The following OPALIN variants were observed in gnomAD, a reference collection of about 807,000 sequenced individuals.
OPALIN encodes oligodendrocytic myelin paranodal and inner loop protein, also known as transmembrane protein 10.
OPALIN carries 15 observed loss-of-function variants against 17.8 expected under a neutral mutation model. The ratio of observed to expected loss-of-function variants is 0.84; its 90% CI spans 0.56 to 1.29. The LOEUF is 1.29. Ranked by LOEUF, OPALIN falls within the 50% of genes most tolerant of loss-of-function variation. The pLI, the probability that OPALIN is intolerant of heterozygous loss-of-function variation, is 0.00. For missense variants in OPALIN, 170 were observed against 176.0 expected (o/e 0.97, Z 0.19); for synonymous variants, 62 against 63.8 (o/e 0.97, Z 0.14).
chr10:96,349,936 G>A (rs555389765), intron 3 of OPALIN, 110 bp from the exon 4 acceptor site: 66 of 1,171,982 alleles, frequency 5.6e-5, no homozygotes, highest in Middle Eastern at 5.8e-4. Flanking sequence ...GATCATAAAC[G>A]TCATATACAA....
intron 2 of OPALIN, chr10:96,353,312 A>G: frequency 6.6e-7 from 1 of 1,506,152 alleles, no homozygotes; most frequent in Non-Finnish European, 9.1e-7. Flanking sequence ...CCCTGTTCCA[A>G]ACTTCCCGCA....
intron 1 of OPALIN, 100 bp downstream of exon 1, chr10:96,358,794 A>G: frequency 8.2e-7 from 1 of 1,225,468 alleles, no homozygotes; most frequent in Non-Finnish European, 1.2e-6. Flanking sequence ...ATAATTTAAA[A>G]TAAAGTCCCT....
At chr10:96,349,291 T>C (rs1845470257) in intron 4 of OPALIN, among the ~76,000 whole-genome samples, 1 of 152,194 alleles carries the variant, frequency 6.6e-6, no homozygotes, top group Non-Finnish European at 1.5e-5. Flanking sequence ...GATTCTATCA[T>C]GGTGTCTATC....
At chr10:96,347,414 G>C (rs930815113) in intron 5 of OPALIN, among the ~76,000 whole-genome samples, 2 of 151,164 alleles carry the variant, frequency 1.3e-5, no homozygotes, top group Non-Finnish European at 2.9e-5. Flanking sequence ...TTTCTATGTC[G>C]ACAATCATAC....
At chr10:96,351,451 T>A in intron 2 of OPALIN, 41 bp from the exon 3 acceptor site, 1 of 1,334,678 alleles carries the variant, frequency 7.5e-7, no homozygotes, top group Non-Finnish European at 1.0e-6. Context: ...GAACAAAAAG[T>A]CTATAGAATA....
chr10:96,343,963 C>CTA lies in OPALIN; in HGVS notation c.*1976_*1977dup. 6.6e-6 allele frequency: 1 copy of CTA among 152,264 alleles called. No homozygotes were observed. The highest frequency in any genetic ancestry group is 1.5e-5 in the Non-Finnish European group (1 of 68,094). 9.4% of individuals were successfully genotyped at this position (152,264 alleles called of 1,614,324 possible). A position where few individuals can be genotyped will look rare whatever the true frequency, so the allele number is the denominator to read the frequency against. ...GGCCTGGCCTGCTAGAGGGCAATGGCTATACATGGGGGAACCAGGCTGCCT... is the reference window on the plus strand; with the variant it reads ...GGCCTGGCCTGCTAGAGGGCAATGGCTATATACATGGGGGAACCAGGCTGCCT... On this transcript the variant is annotated 3_prime_UTR_variant, in exon 6 of 6. Transcript: ENST00000371172.
At chr10:96,351,788 T>C (rs1025872802) in intron 2 of OPALIN, among the ~76,000 whole-genome samples, 3 of 152,192 alleles carry the variant, frequency 2.0e-5, no homozygotes, top group Admixed American at 2.0e-4. Context: ...AGCAAGGCTC[T>C]TTAAGGAAGC....
intron 4 of OPALIN, 69 bp from the exon 5 acceptor site, chr10:96,348,414 G>A (rs746040803): frequency 4.9e-5 from 36 of 734,290 alleles, no homozygotes; most frequent in East Asian, 2.5e-4. Context: ...GCATTTGACC[G>A]TAACTATGAT....
chr10:96,345,902 G>T lies in OPALIN; in HGVS notation c.*39C>A. 6.2e-7 allele frequency: 1 copy of T among 1,600,984 alleles called. No individual in the cohort carries two copies. ...TACAAAACCCTGGGTTTTCAACCCT[G>T]TTCCAGTGCCAGGTCTGCTGCTCCT... On this transcript the variant is annotated 3_prime_UTR_variant, in exon 6 of 6. Coordinates refer to ENST00000371172, the MANE Select transcript of OPALIN (RefSeq NM_033207.5).
At chr10:96,351,828 A>C (rs1346647850) in intron 2 of OPALIN, among the ~76,000 whole-genome samples, 1 of 152,196 alleles carries the variant, frequency 6.6e-6, no homozygotes, top group African/African-American at 2.4e-5. Flanking sequence ...GTGATGAAAC[A>C]AATGGCAGAA....
At chr10:96,349,642 A>G (rs1845487121) in intron 4 of OPALIN, 65 bp downstream of exon 4, 1 of 1,554,018 alleles carries the variant, frequency 6.4e-7, no homozygotes, top group South Asian at 1.2e-5. Flanking sequence ...CCTTAGTCCA[A>G]AAGCCAGTTC....
intron 5 of OPALIN, among the ~76,000 whole-genome samples, chr10:96,347,808 A>G (rs1280845467): frequency 6.6e-6 from 1 of 152,212 alleles, no homozygotes; most frequent in African/African-American, 2.4e-5. Flanking sequence ...TACTTCATTG[A>G]CTAGGATCTA....
At chr10:96,357,034 C>T (rs535123805) in intron 1 of OPALIN, 275 of 985,492 alleles carry the variant, frequency 2.8e-4, no homozygotes, top group Non-Finnish European at 3.2e-4. Flanking sequence ...TCTGGGATGA[C>T]GGTGGAACAC....
At chr10:96,349,452 A>C (rs939841206) in intron 4 of OPALIN, among the ~76,000 whole-genome samples, 2 of 152,166 alleles carry the variant, frequency 1.3e-5, no homozygotes, top group African/African-American at 4.8e-5. Context: ...ATCCTTCTCC[A>C]CTGCTACTTT....
Position 96,344,825 on chromosome 10 carries a change from A to G in OPALIN, c.*1116T>C, listed in dbSNP as rs529184597. On this transcript the variant is annotated 3_prime_UTR_variant, in exon 6 of 6. Coordinates refer to ENST00000371172, the MANE Select transcript of OPALIN (RefSeq NM_033207.5). ...GAGGTATCATAATGTCTTACTTTAA[A>G]AATTAAGCAAAATGTTTCATTGTAA... 1 of 152,366 alleles carries G rather than the reference A, an allele frequency of 6.6e-6. No individual in the cohort carries two copies. Among genetic ancestry groups the G allele is most frequent in the African/African-American group, 2.4e-5 (1 of 41,588 alleles). 9.4% of individuals were successfully genotyped at this position (152,366 alleles called of 1,614,324 possible).
Position 96,354,758 on chromosome 10 carries a change from A to C in OPALIN, c.39+497T>G, listed in dbSNP as rs144994026. On this transcript the variant is annotated intron_variant, in intron 2 of 5. Transcript: ENST00000371172. ...ATTTATAAGTTTTATAATGGAAATA[A>C]ATTCTCTCAGCATCTCTCAACTATT... Among the ~76,000 whole-genome samples, 724 of 151,230 alleles carry C rather than the reference A, an allele frequency of 4.8e-3. 6 individuals carry two copies. The highest frequency in any genetic ancestry group is 8.0e-3 in the Non-Finnish European group (543 of 67,996).
At chr10:96,351,592 A>G (rs1008367550) in intron 2 of OPALIN, among the ~76,000 whole-genome samples, 182 bp from the exon 3 acceptor site, 5 of 152,186 alleles carry the variant, frequency 3.3e-5, no homozygotes, top group Non-Finnish European at 5.9e-5. Context: ...TTGGAATAAA[A>G]TTTGGCTACA....
At chr10:96,356,548 C>T (rs1845827539) in intron 1 of OPALIN, among the ~76,000 whole-genome samples, 1 of 152,200 alleles carries the variant, frequency 6.6e-6, no homozygotes, top group South Asian at 2.1e-4. Flanking sequence ...GTCTATGTGA[C>T]TCAACCCCAA....
At chr10:96,349,591 C>T in intron 4 of OPALIN, 116 bp downstream of exon 4, 3 of 1,202,668 alleles carry the variant, frequency 2.5e-6, no homozygotes, top group Non-Finnish European at 3.5e-6. Context: ...CTTCCAGCAT[C>T]TTGTCCTCAG....
Sources: allele counts gnomAD v4.1 joint callset (sites outside exome capture counted in the v4.1 genomes callset), GRCh38; gene constraint gnomAD v4.1.1; transcripts MANE v1.5; gene names NCBI Gene and HGNC (gene_info 2026-07-23, HGNC 2026-07-21).